The following LRRC37A2 variants were observed in gnomAD, a reference collection of about 807,000 sequenced individuals.
LRRC37A2 encodes the protein leucine rich repeat containing 37 member A2.
A neutral mutation model predicts 68.8 loss-of-function variants in LRRC37A2; 9 were observed. The ratio of observed to expected loss-of-function variants is 0.13; its 90% CI spans 0.08 to 0.23. LRRC37A2 has a LOEUF of 0.23. Ranked by LOEUF, LRRC37A2 falls within the 10% of genes least tolerant of loss-of-function variation. The pLI is 1.00. For synonymous variants in LRRC37A2, 63 were observed against 367.6 expected (o/e 0.17, Z 9.48); for missense variants, 168 against 950.4 (o/e 0.18, Z 10.82).
At chr17:47,011,463 C>T in the LRRC37A2 span, among the ~76,000 whole-genome samples, 1 of 151,126 alleles carries the variant, frequency 6.6e-6, no homozygotes, top group African/African-American at 2.4e-5. Context: ...GCAGCAGAAT[C>T]GCTTGAGCCT....
chr17:46,770,963 C>T, the LRRC37A2 span, among the ~76,000 whole-genome samples: 7 of 152,266 alleles, frequency 4.6e-5, no homozygotes, highest in Admixed American at 6.5e-5. Flanking sequence ...AGGTGACTCG[C>T]CACCTGACAC....
At chr17:47,034,480 GC>G in the LRRC37A2 span, among the ~76,000 whole-genome samples, 1 of 152,108 alleles carries the variant, frequency 6.6e-6, no homozygotes, top group African/African-American at 2.4e-5. Context: ...CTATGGATGA[GC>G]TATCAAGAAA....
chr17:47,011,863 T>C, the LRRC37A2 span, among the ~76,000 whole-genome samples: 2 of 152,164 alleles, frequency 1.3e-5, no homozygotes, highest in Non-Finnish European at 2.9e-5. Context: ...TCCCTGGGAA[T>C]CACATCTTGG....
At chr17:46,883,942 C>G in the LRRC37A2 span, among the ~76,000 whole-genome samples, 1 of 152,204 alleles carries the variant, frequency 6.6e-6, no homozygotes, top group African/African-American at 2.4e-5. Flanking sequence ...TCTCTTGGGC[C>G]CATTAGTGTG....
At chr17:46,769,133 A>G in the LRRC37A2 span, among the ~76,000 whole-genome samples, 3 of 152,108 alleles carry the variant, frequency 2.0e-5, no homozygotes, top group Non-Finnish European at 4.4e-5. Flanking sequence ...CCTGGCCAAC[A>G]TGGCGAAACC....
intron 3 of LRRC37A2, among the ~76,000 whole-genome samples, chr17:46,519,736 A>C (rs2052037104): frequency 6.8e-6 from 1 of 147,896 alleles, no homozygotes; most frequent in South Asian, 2.1e-4. Flanking sequence ...AATATAAACA[A>C]CATTTATGTT....
the LRRC37A2 span, chr17:46,773,619 T>TGGGGGGGGGGGGGGGGGGGGGGGGGGG: frequency 7.3e-6 from 4 of 549,848 alleles, no homozygotes; most frequent in Non-Finnish European, 6.5e-6. Flanking sequence ...ACAGTCCTGA[T>TGGGGGGGGGGGGGGGGGGGGGGGGGGG]CCCTCCCCCC....
the LRRC37A2 span, among the ~76,000 whole-genome samples, chr17:46,864,866 C>T: frequency 1.3e-5 from 2 of 152,142 alleles, no homozygotes; most frequent in Non-Finnish European, 2.9e-5. Flanking sequence ...CCTGCTTCCC[C>T]GCACAGCCTC....
chr17:46,712,534 G>A, the LRRC37A2 span, among the ~76,000 whole-genome samples: 1 of 152,200 alleles, frequency 6.6e-6, no homozygotes, highest in African/African-American at 2.4e-5. Context: ...GAAGAAAGAT[G>A]ATGAGTTCAG....
At chr17:46,789,561 T>C in the LRRC37A2 span, among the ~76,000 whole-genome samples, 1 of 150,478 alleles carries the variant, frequency 6.6e-6, no homozygotes, top group Non-Finnish European at 1.5e-5. Context: ...CAAAGACGTT[T>C]AATCTGATCT....
At chr17:46,935,183 T>C in the LRRC37A2 span, 4 of 1,613,804 alleles carry the variant, frequency 2.5e-6, no homozygotes, top group Non-Finnish European at 3.4e-6. Flanking sequence ...GGGTCCCTGC[T>C]GGGGGACAGA....
At chr17:46,883,177 T>A in the LRRC37A2 span, among the ~76,000 whole-genome samples, 1 of 151,690 alleles carries the variant, frequency 6.6e-6, no homozygotes, top group Non-Finnish European at 1.5e-5. Flanking sequence ...AGAGACGGGG[T>A]TTCACCACGT....
the LRRC37A2 span, among the ~76,000 whole-genome samples, chr17:46,776,568 T>C: frequency 6.6e-6 from 1 of 152,172 alleles, no homozygotes; most frequent in Non-Finnish European, 1.5e-5. Flanking sequence ...GAGGTCCCCG[T>C]TGAGCCTCCC....
the LRRC37A2 span, among the ~76,000 whole-genome samples, chr17:46,906,973 CAT>C: frequency 6.6e-6 from 1 of 152,144 alleles, no homozygotes; most frequent in Non-Finnish European, 1.5e-5. Context: ...ACAAAAAACT[CAT>C]AAGGAAACTG....
the LRRC37A2 span, chr17:46,728,773 CAAA>C: frequency 1.0e-4 from 74 of 721,374 alleles, no homozygotes; most frequent in Middle Eastern, 2.8e-4. Flanking sequence ...ACTTTTGATG[CAAA>C]AAAAAAAAAC....
chr17:46,878,824 C>T, the LRRC37A2 span, among the ~76,000 whole-genome samples: 1 of 152,230 alleles, frequency 6.6e-6, no homozygotes, highest in Non-Finnish European at 1.5e-5. Context: ...AGGGCAGGCT[C>T]TAAGGCATCT....
chr17:46,979,280 C>A, the LRRC37A2 span: 2 of 289,644 alleles, frequency 6.9e-6, no homozygotes, highest in Non-Finnish European at 1.3e-5. Flanking sequence ...CTGGGTTCCT[C>A]GCGCGCCTGG....
chr17:46,541,243 C>G (rs1046160979), intron 8 of LRRC37A2, among the ~76,000 whole-genome samples: 5 of 150,466 alleles, frequency 3.3e-5, no homozygotes, highest in African/African-American at 1.3e-4. Context: ...GCTCCTTTCA[C>G]AAAGCCTAAT....
At chr17:46,839,851 T>G in the LRRC37A2 span, among the ~76,000 whole-genome samples, 1 of 152,224 alleles carries the variant, frequency 6.6e-6, no homozygotes, top group Non-Finnish European at 1.5e-5. Context: ...GCAAAGGACA[T>G]GAACTCATCC....
Sources: gnomAD v4.1 joint callset for allele counts (sites outside exome capture counted in the v4.1 genomes callset) on GRCh38, gnomAD v4.1.1 for gene constraint, MANE v1.5 for transcripts, NCBI Gene and HGNC (gene_info 2026-07-23, HGNC 2026-07-21) for gene names.